TEP1: variants seen among roughly 807,000 people sequenced by gnomAD.
TEP1 encodes telomerase associated protein 1, also known as telomerase protein component 1.
In TEP1, 241 loss-of-function variants were observed where a neutral mutation model predicts 306.3. The ratio of observed to expected loss-of-function variants is 0.79; its 90% CI spans 0.71 to 0.88. The LOEUF is 0.88. TEP1 is among the 40% of genes least tolerant of loss of function. The pLI is 0.00. For synonymous variants in TEP1, 1,289 were observed against 1,305.5 expected (o/e 0.99, Z 0.27); for missense variants, 3,051 against 3,276.1 (o/e 0.93, Z 1.68).
At position 20,384,018 on chromosome 14, in the gene TEP1, A is replaced by G; in HGVS notation, c.3534+20T>C. ...ACACAGCCTTCCCTCCCTCCTGCCC[A>G]GGCCCCTGAGACTCTGTACCAGGAA... On this transcript the variant is annotated intron_variant, in intron 24 of 54. Coordinates refer to ENST00000262715, the MANE Select transcript of TEP1 (RefSeq NM_007110.5). 2 of 1,590,794 alleles carry G rather than the reference A, an allele frequency of 1.3e-6. No individual in the cohort carries two copies. The highest frequency in any genetic ancestry group is 1.7e-6 in the Non-Finnish European group (2 of 1,168,188).
chr14:20,384,524 G>A lies in TEP1; in HGVS notation c.3222-16C>T, dbSNP rs1353831830. The A allele has an allele frequency of 1.9e-6, 3 of 1,613,854 alleles. No homozygotes were observed. Among genetic ancestry groups the A allele is most frequent in the Non-Finnish European group, 2.5e-6 (3 of 1,180,024 alleles). On this transcript the variant is annotated splice_polypyrimidine_tract_variant and intron_variant, in intron 22 of 54. Coordinates refer to ENST00000262715, the MANE Select transcript of TEP1 (RefSeq NM_007110.5). The stretch of plus-strand genomic sequence containing the variant: ...ACAGGGGTATCTGTGGGCAAATCAA[G>A]CACAACCAGGTCAGAGCAGGCCCGG...
At chr14:20,375,336 A>G (rs538953011) in intron 43 of TEP1, among the ~76,000 whole-genome samples, 112 of 152,140 alleles carry the variant, frequency 7.4e-4, no homozygotes, top group Non-Finnish European at 1.4e-3. Context: ...TTGTATCTTT[A>G]GTAGAGACAG....
At chr14:20,392,283 T>G (rs1052574485) in intron 12 of TEP1, among the ~76,000 whole-genome samples, 16 of 152,168 alleles carry the variant, frequency 1.1e-4, no homozygotes, top group Admixed American at 2.0e-4. Context: ...CAACCGCCAA[T>G]GAAACAATTG....
At position 20,408,263 on chromosome 14, in the gene TEP1, C is replaced by T. The variant is rs1182911421; in HGVS notation, c.177G>A (p.Lys59=). Residue 59 remains lysine (K), a synonymous_variant, in exon 2 of 55, where the codon AAG becomes AAA. Coordinates refer to ENST00000262715, the MANE Select transcript of TEP1 (RefSeq NM_007110.5). The part of the protein sequence containing the change: ...NQCLATLPDL[K]TMEKPHGYVS... ...CATATCCATGTGGTTTTTCCATGGT[C>T]TTCAGGTCAGGAAGCGTGGCTAGGC... 2 of 1,613,138 alleles carry T rather than the reference C, an allele frequency of 1.2e-6. No homozygotes were observed. The highest frequency in any genetic ancestry group is 1.7e-6 in the Non-Finnish European group (2 of 1,179,502).
At chr14:20,403,922 C>A in intron 5 of TEP1, 38 bp from the exon 6 acceptor site, 1 of 1,612,656 alleles carries the variant, frequency 6.2e-7, no homozygotes, top group South Asian at 1.1e-5. Flanking sequence ...GAAGCAAGAC[C>A]CAAACCAACC....
At chr14:20,372,287 T>C (rs1338947304) in intron 49 of TEP1, among the ~76,000 whole-genome samples, 1 of 152,066 alleles carries the variant, frequency 6.6e-6, no homozygotes, top group East Asian at 1.9e-4. Flanking sequence ...AGAAAACTCC[T>C]ACTCATTCTG....
intron 5 of TEP1, among the ~76,000 whole-genome samples, chr14:20,404,366 A>AAAAAAAAAG (rs1879002814): frequency 6.6e-6 from 1 of 151,956 alleles, no homozygotes; most frequent in African/African-American, 2.4e-5. Context: ...CAAAAAAAAA[A>AAAAAAAAAG]AAAAAAAGCA....
chr14:20,381,551 A>T lies in TEP1; in HGVS notation c.4558+2T>A, dbSNP rs575633199. ...GCCCAGGCTGACTTGGGCTGCAATC[A>T]CCTGCAATGAGGATGTGTGCCGTGT... On this transcript the variant is annotated splice_donor_variant, in intron 31 of 54. Transcript: ENST00000262715. LOFTEE classifies it high-confidence loss of function. This position sits in a 1 kb window ranked among gnomAD's most constrained non-coding sequence, Gnocchi z 4.0. The T allele has an allele frequency of 3.7e-6, 6 of 1,613,550 alleles. No individual in the cohort carries two copies. The highest frequency in any genetic ancestry group is 5.1e-6 in the Non-Finnish European group (6 of 1,180,008).
At chr14:20,380,904 A>G (rs1453792913) in intron 33 of TEP1, 27 bp downstream of exon 33, 1 of 1,596,142 alleles carries the variant, frequency 6.3e-7, no homozygotes, top group East Asian at 2.2e-5. Flanking sequence ...TATCTCAGAG[A>G]AGAACCCAGC....
At chr14:20,378,721 G>A (rs376025692) in intron 37 of TEP1, 33 bp downstream of exon 37, 15 of 1,606,710 alleles carry the variant, frequency 9.3e-6, no homozygotes, top group Middle Eastern at 1.7e-4. Context: ...ATGGCTCAGG[G>A]CCACTCTGAC....
At chr14:20,413,136 T>C (rs1180278142) in intron 1 of TEP1, among the ~76,000 whole-genome samples, 1 of 152,190 alleles carries the variant, frequency 6.6e-6, no homozygotes, top group East Asian at 1.9e-4. Context: ...TCTCTCTTCC[T>C]GTCCCTCCCT....
At position 20,381,084 on chromosome 14, in the gene TEP1, G is replaced by C. The variant is rs768314089; in HGVS notation, c.4648-39C>G. 2 of 1,544,700 alleles carry C rather than the reference G, an allele frequency of 1.3e-6. No individual in the cohort carries two copies. Among genetic ancestry groups the C allele is most frequent in the South Asian group, 2.2e-5 (2 of 89,570 alleles). On this transcript the variant is annotated intron_variant, in intron 32 of 54. Coordinates refer to ENST00000262715, the MANE Select transcript of TEP1 (RefSeq NM_007110.5). This position sits in a 1 kb window ranked among gnomAD's most constrained non-coding sequence, Gnocchi z 4.0. ...ATTGAATTCATTAGGGATATGAAGGGGCTGGTGAGAAGGGACAGTTTAGTC... is the reference window on the plus strand; with the variant it reads ...ATTGAATTCATTAGGGATATGAAGGCGCTGGTGAGAAGGGACAGTTTAGTC...
In TEP1 at chr14:20,406,232, C is replaced by A; in HGVS notation, c.735+1G>T. ...CCTTCCCCTAACTCTTGAATTTTTA[C>A]CTTCTTTTCCTGAAGGACATGGTCA... is the stretch of plus-strand genomic sequence containing the variant. On this transcript the variant is annotated splice_donor_variant, in intron 3 of 54. Coordinates refer to ENST00000262715, the MANE Select transcript of TEP1 (RefSeq NM_007110.5). LOFTEE classifies it high-confidence loss of function. 6.2e-7 allele frequency: 1 copy of A among 1,613,872 alleles called. No individual in the cohort carries two copies. Among genetic ancestry groups the A allele is most frequent in the Non-Finnish European group, 8.5e-7 (1 of 1,179,920 alleles).
rs1478824368 is a variant in TEP1 at position 20,382,222 on chromosome 14, ACCACT to A, written c.4270_4273+1del. The A allele has an allele frequency of 6.2e-7, 1 of 1,614,052 alleles. No individual in the cohort carries two copies. On this transcript the variant is annotated splice_donor_variant and coding_sequence_variant, in exon 29 of 55. Transcript: ENST00000262715. LOFTEE classifies it high-confidence loss of function. The stretch of plus-strand genomic sequence containing the variant: ...CCCAACCAACCCACCCCAAGCACTG[ACCACT>A]CCGTGTGACTTCTAGGGCAGTCAAG...
intron 42 of TEP1, 97 bp from the exon 43 acceptor site, chr14:20,375,965 C>A: frequency 6.8e-7 from 1 of 1,475,766 alleles, no homozygotes; most frequent in Non-Finnish European, 9.4e-7. Flanking sequence ...AAGAGGGGCA[C>A]AAGGAAGCAC....
chr14:20,400,941 T>C, intron 9 of TEP1, 43 bp downstream of exon 9: 1 of 1,598,480 alleles, frequency 6.3e-7, no homozygotes, highest in Non-Finnish European at 8.5e-7. Flanking sequence ...GAGGCATAAA[T>C]GGGGAAGAGA....
rs764003289 is a variant in TEP1 at position 20,381,917 on chromosome 14, G to T, written c.4420C>A (p.Arg1474Ser). The T allele has an allele frequency of 4.3e-6, 7 of 1,613,878 alleles. No individual in the cohort carries two copies. The South Asian group carries it at 6.6e-5, about 15-fold the overall frequency. ...GCTCTGCTGGGGCACCTGTACCTGC[G>T]CAGACTCTGGACGAGGCAGGCAAAC... ...GPFACLVQSL[R>S]SLLGEGPLER... The change falls in exon 30 of 55, where the codon CGC (arginine) becomes AGC (serine). Residue 1474 changes from arginine to serine, a missense_variant. By Grantham distance (110) the Arg-to-Ser change is moderately radical (BLOSUM62 -1). Transcript: ENST00000262715. The surrounding 1 kb of genome is among the most constrained non-coding windows in gnomAD (Gnocchi z 4.0).
chr14:20,395,098 A>T (rs1459709823), intron 12 of TEP1, among the ~76,000 whole-genome samples: 1 of 152,220 alleles, frequency 6.6e-6, no homozygotes, highest in African/African-American at 2.4e-5. Context: ...AAAGAAAAAC[A>T]AACATGTCAC....
At chr14:20,406,689 C>G (rs148617556) in intron 2 of TEP1, among the ~76,000 whole-genome samples, 14 of 152,328 alleles carry the variant, frequency 9.2e-5, no homozygotes, top group Middle Eastern at 3.4e-3. Flanking sequence ...GGGCTCTTCA[C>G]ACACCTTTTA....
Sources: gnomAD v4.1 joint callset for allele counts (sites outside exome capture counted in the v4.1 genomes callset) on GRCh38, gnomAD v4.1.1 for gene constraint, Gnocchi (gnomAD v3.1) non-coding constraint, MANE v1.5 for transcripts, NCBI Gene and HGNC (gene_info 2026-07-23, HGNC 2026-07-21) for gene names.